The following INVS variants were observed in gnomAD, a reference collection of about 807,000 sequenced individuals.
The protein encoded by INVS is inversion of embryo turning homolog.
Under a neutral mutation model 108.8 loss-of-function variants are expected in INVS, and 86 were observed. The observed-to-expected ratio is 0.79, with a 90% confidence interval of 0.66 to 0.95. The LOEUF (loss-of-function observed/expected upper bound fraction) is 0.95. Ranked by LOEUF, INVS falls within the 40% of genes least tolerant of loss-of-function variation. INVS has a pLI of 0.00. For missense variants in INVS, 1,169 were observed against 1,297.4 expected (o/e 0.90, Z 1.52); for synonymous variants, 455 against 473.5 (o/e 0.96, Z 0.51).
chr9:100,188,635 C>CTTTTTTTTTTTTTTTTTTTTTTTTT (rs11309021), intron 3 of INVS, among the ~76,000 whole-genome samples: 1 of 128,270 alleles, frequency 7.8e-6, no homozygotes, highest in Non-Finnish European at 1.7e-5. Flanking sequence ...TAGTTTCTTT[C>CTTTTTTTTTTTTTTTTTTTTTTTTT]TTTTTTTTTT....
chr9:100,213,189 AAC>A (rs778195238), intron 3 of INVS, among the ~76,000 whole-genome samples: 24 of 127,210 alleles, frequency 1.9e-4, no homozygotes, highest in Non-Finnish European at 3.8e-4. Context: ...TTAGAATTTC[AAC>A]ACATGAATTG....
chr9:100,266,879 A>G (rs1012910277), intron 11 of INVS, among the ~76,000 whole-genome samples: 1 of 152,148 alleles, frequency 6.6e-6, no homozygotes, highest in Non-Finnish European at 1.5e-5. Context: ...TAGTTGGTGG[A>G]AAACTTTATT....
At chr9:100,099,812 GCTT>G (rs1484218969) in intron 1 of INVS, among the ~76,000 whole-genome samples, 8 of 152,308 alleles carry the variant, frequency 5.3e-5, no homozygotes, top group Non-Finnish European at 1.0e-4. Flanking sequence ...TAGCTCTGCG[GCTT>G]CTTCTGCAAA....
chr9:100,208,212 GT>G (rs1415732562), intron 3 of INVS, among the ~76,000 whole-genome samples: 1 of 152,184 alleles, frequency 6.6e-6, no homozygotes, highest in Non-Finnish European at 1.5e-5. Flanking sequence ...ATGGAGGTAT[GT>G]TTTGATATAA....
chr9:100,115,903 G>A (rs1827505314), intron 2 of INVS, among the ~76,000 whole-genome samples: 3 of 152,108 alleles, frequency 2.0e-5, no homozygotes, highest in African/African-American at 4.8e-5. Flanking sequence ...CTAGTTTACA[G>A]TCCCACCAAC....
At chr9:100,121,797 T>A (rs923455346) in intron 2 of INVS, among the ~76,000 whole-genome samples, 4 of 152,134 alleles carry the variant, frequency 2.6e-5, no homozygotes, top group African/African-American at 9.7e-5. Flanking sequence ...CATAGATAAT[T>A]GATTTGAAAC....
chr9:100,207,671 T>G (rs1425636896), intron 3 of INVS, among the ~76,000 whole-genome samples: 7 of 152,158 alleles, frequency 4.6e-5, no homozygotes, highest in Admixed American at 4.6e-4. Flanking sequence ...ATGCAAATCC[T>G]CTCTCTTTTT....
At chr9:100,191,363 T>G (rs1352015754) in intron 3 of INVS, among the ~76,000 whole-genome samples, 1 of 152,194 alleles carries the variant, frequency 6.6e-6, no homozygotes, top group South Asian at 2.1e-4. Context: ...TTTGGAGACT[T>G]TATTCATTTC....
chr9:100,188,384 T>A (rs887315562), intron 3 of INVS, among the ~76,000 whole-genome samples: 46 of 152,338 alleles, frequency 3.0e-4, no homozygotes, highest in South Asian at 1.0e-3. Flanking sequence ...AGGGTTTTTT[T>A]ATAAAGAAAT....
At chr9:100,116,547 A>G (rs1389652693) in intron 2 of INVS, among the ~76,000 whole-genome samples, 1 of 152,110 alleles carries the variant, frequency 6.6e-6, no homozygotes, top group Admixed American at 6.6e-5. Flanking sequence ...TTGTGTTTTC[A>G]AACACAATTT....
intron 13 of INVS, among the ~76,000 whole-genome samples, chr9:100,286,734 T>C (rs1833456386): frequency 6.6e-6 from 1 of 152,212 alleles, no homozygotes; most frequent in Non-Finnish European, 1.5e-5. Context: ...CTTTCTTAGC[T>C]TGGGGCCTTT....
chr9:100,222,680 C>T (rs951874026), intron 3 of INVS, among the ~76,000 whole-genome samples: 8 of 152,136 alleles, frequency 5.3e-5, no homozygotes, highest in African/African-American at 1.9e-4. Flanking sequence ...CTCTAATTTC[C>T]AATCGAAATG....
chr9:100,298,553 T>C (rs1221041563), intron 16 of INVS, among the ~76,000 whole-genome samples: 2 of 152,142 alleles, frequency 1.3e-5, no homozygotes, highest in African/African-American at 4.8e-5. Context: ...GATAAGTTCA[T>C]TGCTGTCAGC....
chr9:100,213,058 G>A (rs1271718721), intron 3 of INVS, among the ~76,000 whole-genome samples: 1 of 152,096 alleles, frequency 6.6e-6, no homozygotes, highest in Non-Finnish European at 1.5e-5. Context: ...TCACATGACA[G>A]AAGGGAGTGA....
At chr9:100,181,939 T>A (rs955182655) in intron 3 of INVS, among the ~76,000 whole-genome samples, 2 of 151,992 alleles carry the variant, frequency 1.3e-5, no homozygotes, top group Non-Finnish European at 2.9e-5. Flanking sequence ...TGGAACAGAA[T>A]AGAGGCCTCA....
intron 3 of INVS, among the ~76,000 whole-genome samples, chr9:100,150,952 G>A (rs564005050): frequency 1.3e-4 from 20 of 152,298 alleles, no homozygotes; most frequent in Admixed American, 2.6e-4. Flanking sequence ...GGGGAGGACA[G>A]GTTGTAATTT....
At chr9:100,154,548 A>G (rs1017808388) in intron 3 of INVS, among the ~76,000 whole-genome samples, 1 of 151,852 alleles carries the variant, frequency 6.6e-6, no homozygotes, top group African/African-American at 2.4e-5. Flanking sequence ...TGCATCTGTA[A>G]GAAGTAATGA....
At chr9:100,109,438 A>G (rs1187883704) in intron 2 of INVS, among the ~76,000 whole-genome samples, 2 of 152,240 alleles carry the variant, frequency 1.3e-5, no homozygotes, top group Non-Finnish European at 2.9e-5. Context: ...AGAGCACTAA[A>G]TGCAACAAAG....
At chr9:100,160,237 C>T (rs1312254313) in intron 3 of INVS, among the ~76,000 whole-genome samples, 1 of 152,160 alleles carries the variant, frequency 6.6e-6, no homozygotes. Context: ...TTTTAAAGAG[C>T]TCACCATTTA....
Sources: gnomAD v4.1 joint callset for allele counts (sites outside exome capture counted in the v4.1 genomes callset) on GRCh38, gnomAD v4.1.1 for gene constraint, MANE v1.5 for transcripts, NCBI Gene and HGNC (gene_info 2026-07-23, HGNC 2026-07-21) for gene names.